KCND3: variants seen among roughly 807,000 people sequenced by gnomAD.
KCND3 encodes A-type voltage-gated potassium channel KCND3.
In KCND3, 9 loss-of-function variants were observed where a neutral mutation model predicts 51.1. The observed-to-expected ratio is 0.18, with a 90% CI of 0.11 to 0.31. KCND3 has a LOEUF of 0.31. KCND3 is among the 10% of genes least tolerant of loss of function. The probability of loss-of-function intolerance (pLI) is 1.00; values close to 1 mark genes in which losing one functional copy is unlikely to be tolerated. For synonymous variants in KCND3, 349 were observed against 368.0 expected, an observed-to-expected ratio of 0.95 and a Z score of 0.59; for missense variants, 526 against 903.8, an observed-to-expected ratio of 0.58 and a Z score of 5.36.
intron 2 of KCND3, among the ~76,000 whole-genome samples, chr1:111,888,880 C>A (rs1392898477): frequency 6.6e-6 from 1 of 151,842 alleles, no homozygotes; most frequent in African/African-American, 2.4e-5. Flanking sequence ...TGAGGAGAGG[C>A]TGCAGAGGAG....
intron 2 of KCND3, among the ~76,000 whole-genome samples, chr1:111,836,614 T>C (rs1240115370): frequency 1.3e-5 from 2 of 152,190 alleles, no homozygotes; most frequent in Non-Finnish European, 2.9e-5. Context: ...CCATCTCACC[T>C]GACAGACCCT....
intron 2 of KCND3, among the ~76,000 whole-genome samples, chr1:111,912,735 A>G (rs1671021863): frequency 6.6e-6 from 1 of 152,206 alleles, no homozygotes; most frequent in South Asian, 2.1e-4. Context: ...AAAAAAGTTT[A>G]AACAGTAAAA....
intron 2 of KCND3, among the ~76,000 whole-genome samples, chr1:111,915,589 A>G (rs1557716793): frequency 6.6e-6 from 1 of 151,994 alleles, no homozygotes; most frequent in African/African-American, 2.4e-5. Context: ...CGTCTCTACT[A>G]AGAAATACAA....
chr1:111,782,153 C>T (rs1664416171), intron 3 of KCND3, among the ~76,000 whole-genome samples: 1 of 152,146 alleles, frequency 6.6e-6, no homozygotes, highest in African/African-American at 2.4e-5. Flanking sequence ...CACTTCTTGT[C>T]ACCCTCTCCC....
chr1:111,829,169 G>T (rs1325308761), intron 2 of KCND3, among the ~76,000 whole-genome samples: 1 of 152,204 alleles, frequency 6.6e-6, no homozygotes, highest in Non-Finnish European at 1.5e-5. Flanking sequence ...AACTAAAGAG[G>T]ACGAACAATT....
chr1:111,791,157 C>A lies in KCND3; in HGVS notation c.1107-4051G>T, dbSNP rs190338994. ...TGGCGGTGCCATTTTACATTCCCAC[C>A]AGCAATGAATGAGGGGTCCAATTTC... is the stretch of plus-strand genomic sequence containing the variant. On this transcript the variant is annotated intron_variant, in intron 2 of 7. Coordinates refer to ENST00000302127, the MANE Select transcript of KCND3 (RefSeq NM_001378969.1). Among the ~76,000 whole-genome samples, 15 of 152,340 alleles carry A rather than the reference C, an allele frequency of 9.8e-5. No homozygotes were observed. In the East Asian group the frequency reaches 2.9e-3, roughly 29 times the overall value.
chr1:111,985,378 C>T (rs1675215719), intron 1 of KCND3, among the ~76,000 whole-genome samples: 1 of 152,184 alleles, frequency 6.6e-6, no homozygotes, highest in African/African-American at 2.4e-5. Context: ...TAGGCGGCGC[C>T]ATTAAACCCA....
intron 2 of KCND3, among the ~76,000 whole-genome samples, chr1:111,858,490 AC>A (rs995540789): frequency 2.6e-5 from 4 of 152,068 alleles, no homozygotes; most frequent in Non-Finnish European, 5.9e-5. Context: ...TAAAAATTAG[AC>A]TTTTAAATAG....
intron 2 of KCND3, among the ~76,000 whole-genome samples, chr1:111,941,527 C>A (rs1387081112): frequency 6.6e-6 from 1 of 152,136 alleles, no homozygotes; most frequent in Non-Finnish European, 1.5e-5. Context: ...TACTTTTCCT[C>A]TCTCACTAAA....
chr1:111,778,271 A>C (rs1664217673), intron 6 of KCND3, among the ~76,000 whole-genome samples, 165 bp downstream of exon 6: 1 of 152,308 alleles, frequency 6.6e-6, no homozygotes, highest in Middle Eastern at 3.4e-3. Flanking sequence ...AGCGCAAGAA[A>C]CTGGAAGCCT....
Position 111,778,357 on chromosome 1 carries a change from G to C in KCND3, c.1518+79C>G, listed in dbSNP as rs1009671024. 5 of 1,330,276 alleles carry C rather than the reference G, an allele frequency of 3.8e-6. No individual in the cohort carries two copies. The African/African-American group carries it at 5.8e-5, about 15-fold the overall frequency. 82.4% of individuals were successfully genotyped at this position (1,330,276 alleles called of 1,614,324 possible). On this transcript the variant is annotated intron_variant, in intron 6 of 7. Transcript: ENST00000302127. ...AGCAGCACATGCACAGAACCAGGCC[G>C]GGGGGTAAAAAGGGGAGAATCCACA...
chr1:111,860,439 A>G lies in KCND3; in HGVS notation c.1107-73333T>C, dbSNP rs560633996. 5.1e-4 allele frequency among the ~76,000 whole-genome samples: 77 copies of G among 152,292 alleles called. 1 individual carries two copies. The South Asian group carries it at 0.016, about 32-fold the overall frequency. The stretch of plus-strand genomic sequence containing the variant: ...AACTGGGTTGCTGACAGCTCTGTCT[A>G]GGATAGAAGACCAACATTGTGCATC... On this transcript the variant is annotated intron_variant, in intron 2 of 7. Coordinates refer to ENST00000302127, the MANE Select transcript of KCND3 (RefSeq NM_001378969.1).
intron 2 of KCND3, among the ~76,000 whole-genome samples, chr1:111,956,291 G>A (rs2101918383): frequency 6.6e-6 from 1 of 152,218 alleles, no homozygotes; most frequent in Non-Finnish European, 1.5e-5. Context: ...CTGCATGTTG[G>A]ATGACTTTGT....
intron 2 of KCND3, among the ~76,000 whole-genome samples, chr1:111,917,152 C>G (rs1033707377): frequency 6.6e-6 from 1 of 152,152 alleles, no homozygotes; most frequent in Non-Finnish European, 1.5e-5. Context: ...AGTGAAGACT[C>G]GATATTTATT....
At chr1:111,854,993 G>T (rs1667995543) in intron 2 of KCND3, among the ~76,000 whole-genome samples, 1 of 152,126 alleles carries the variant, frequency 6.6e-6, no homozygotes, top group African/African-American at 2.4e-5. Context: ...ACAGAGTAAG[G>T]TACCTGCCAC....
intron 2 of KCND3, among the ~76,000 whole-genome samples, chr1:111,871,298 C>T (rs963115672): frequency 2.0e-5 from 3 of 152,060 alleles, no homozygotes; most frequent in South Asian, 2.1e-4. Context: ...GTGGTAGGAA[C>T]GTCAGGTTAA....
intron 1 of KCND3, among the ~76,000 whole-genome samples, chr1:111,987,646 A>G (rs1035025406): frequency 2.0e-5 from 3 of 151,940 alleles, no homozygotes; most frequent in Non-Finnish European, 4.4e-5. Flanking sequence ...AGCAGCATTC[A>G]CCCCCTGACA....
chr1:111,949,058 G>T (rs917226948), intron 2 of KCND3, among the ~76,000 whole-genome samples: 1 of 152,200 alleles, frequency 6.6e-6, no homozygotes, highest in African/African-American at 2.4e-5. Flanking sequence ...GTAGAAGCAT[G>T]ACACGCAGCC....
At chr1:111,905,465 C>T (rs1241127250) in intron 2 of KCND3, among the ~76,000 whole-genome samples, 2 of 152,238 alleles carry the variant, frequency 1.3e-5, no homozygotes, top group African/African-American at 4.8e-5. Flanking sequence ...TGGATGCACT[C>T]AAGTTTTCCA....
Sources: gnomAD v4.1 joint callset for allele counts (sites outside exome capture counted in the v4.1 genomes callset) on GRCh38, gnomAD v4.1.1 for gene constraint, MANE v1.5 for transcripts, NCBI Gene and HGNC (gene_info 2026-07-23, HGNC 2026-07-21) for gene names.